MEIS1: variants seen among roughly 807,000 people sequenced by gnomAD.
The protein encoded by MEIS1 is Meis homeobox 1.
A neutral mutation model predicts 50.8 loss-of-function variants in MEIS1; 5 were observed. The ratio of observed to expected loss-of-function variants is 0.10; its 90% CI spans 0.05 to 0.21. The LOEUF (loss-of-function observed/expected upper bound fraction) is 0.21, where lower values mean the gene tolerates loss of function less well. Among genes scored for constraint, MEIS1 ranks in the 10% least tolerant of loss-of-function variants. MEIS1 has a pLI of 1.00. For missense variants in MEIS1, 318 were observed against 517.3 expected (o/e 0.61, Z 3.74); for synonymous variants, 176 against 179.3 (o/e 0.98, Z 0.15).
intron 7 of MEIS1, among the ~76,000 whole-genome samples, chr2:66,467,707 G>A (rs762867220): frequency 3.9e-5 from 6 of 151,996 alleles, no homozygotes; most frequent in South Asian, 2.1e-4. Flanking sequence ...ATGTTTATTC[G>A]CGATTTACAC....
At chr2:66,518,242 G>C (rs967133775) in intron 8 of MEIS1, among the ~76,000 whole-genome samples, 2 of 152,192 alleles carry the variant, frequency 1.3e-5, no homozygotes, top group Non-Finnish European at 2.9e-5. Flanking sequence ...CACGACCTCT[G>C]TCTGAGACTC....
chr2:66,513,524 T>G (rs987499539), intron 8 of MEIS1, among the ~76,000 whole-genome samples: 7 of 151,398 alleles, frequency 4.6e-5, no homozygotes, highest in Non-Finnish European at 8.8e-5. Flanking sequence ...CTAATAATAC[T>G]CAAGGGTATA....
chr2:66,553,324 ACT>A (rs1402273560), intron 9 of MEIS1, among the ~76,000 whole-genome samples: 1 of 151,936 alleles, frequency 6.6e-6, no homozygotes, highest in Non-Finnish European at 1.5e-5. Context: ...AAATGGAAGA[ACT>A]CCCCAGAATA....
At chr2:66,436,887 T>TA in intron 1 of MEIS1, 1 of 985,034 alleles carries the variant, frequency 1.0e-6, no homozygotes, top group Non-Finnish European at 1.2e-6. Context: ...TTTTTTTTTT[T>TA]TCTGGAAGAG....
intron 9 of MEIS1, among the ~76,000 whole-genome samples, chr2:66,553,363 G>A (rs1186056599): frequency 6.6e-6 from 1 of 152,184 alleles, no homozygotes; most frequent in Non-Finnish European, 1.5e-5. Context: ...TGTTCTTCAA[G>A]CCTCGGTTAA....
intron 9 of MEIS1, among the ~76,000 whole-genome samples, chr2:66,555,538 A>G (rs959284531): frequency 2.6e-5 from 4 of 152,204 alleles, no homozygotes; most frequent in Non-Finnish European, 5.9e-5. Context: ...AGCTTTAGAC[A>G]TTAGTAGTTT....
At position 66,515,581 on chromosome 2, in the gene MEIS1, A is replaced by C. The variant is rs575802573; in HGVS notation, c.888+3287A>C. ...GTCTCTAGCAAGCTAAACTGGACAT[A>C]CTTGTATATAATGAAAATAATAAAA... On this transcript the variant is annotated intron_variant, in intron 8 of 12. Transcript: ENST00000272369. Among the ~76,000 whole-genome samples, 3 of 152,276 alleles carry C rather than the reference A, an allele frequency of 2.0e-5. No individual in the cohort carries two copies. In the East Asian group the frequency reaches 5.8e-4, roughly 29 times the overall value.
chr2:66,465,084 C>G (rs896541142), intron 7 of MEIS1, among the ~76,000 whole-genome samples: 25 of 152,088 alleles, frequency 1.6e-4, no homozygotes, highest in African/African-American at 4.8e-4. Flanking sequence ...GTTTTATGAT[C>G]ATGTTTCACT....
rs1442744510 is a variant in MEIS1, at chr2:66,572,890, T to A, written c.*1682T>A. 1 of 152,230 alleles carries A rather than the reference T, an allele frequency of 6.6e-6. No homozygotes were observed. The highest frequency in any genetic ancestry group is 1.5e-5 in the Non-Finnish European group (1 of 68,042). The allele number at this position is 152,230 out of a possible 1,614,324, so 9.4% of individuals were successfully genotyped here. A position where few individuals can be genotyped will look rare whatever the true frequency, so the allele number is the denominator to read the frequency against. On this transcript the variant is annotated 3_prime_UTR_variant, in exon 13 of 13. Transcript: ENST00000272369. ...TTGACAATTTTAACCGCAAAGTAAGTTGTTTAATAATAACCACTGATTTCT... is the reference window on the plus strand; with the variant it reads ...TTGACAATTTTAACCGCAAAGTAAGATGTTTAATAATAACCACTGATTTCT...
chr2:66,452,228 A>G (rs1354082648), intron 6 of MEIS1, among the ~76,000 whole-genome samples: 1 of 151,916 alleles, frequency 6.6e-6, no homozygotes, highest in Admixed American at 6.6e-5. Flanking sequence ...TCACCATTGA[A>G]CATTACTTTT....
chr2:66,526,808 C>T (rs889056899), intron 8 of MEIS1, among the ~76,000 whole-genome samples: 107 of 152,162 alleles, frequency 7.0e-4, no homozygotes, highest in African/African-American at 2.4e-3. Flanking sequence ...CTTAATAAGA[C>T]TGAAGTACAT....
intron 8 of MEIS1, among the ~76,000 whole-genome samples, chr2:66,546,413 A>G (rs1212004140): frequency 2.0e-5 from 3 of 152,234 alleles, no homozygotes; most frequent in East Asian, 1.9e-4. Flanking sequence ...CATGGTAACC[A>G]GTCTGAAGGT....
chr2:66,560,596 A>G (rs1675189318), intron 9 of MEIS1, among the ~76,000 whole-genome samples: 1 of 151,754 alleles, frequency 6.6e-6, no homozygotes, highest in Non-Finnish European at 1.5e-5. Context: ...AAAAAAAAAA[A>G]AGAAAGAAAA....
intron 8 of MEIS1, among the ~76,000 whole-genome samples, chr2:66,531,015 T>G (rs577303008): frequency 6.6e-6 from 1 of 152,334 alleles, no homozygotes; most frequent in African/African-American, 2.4e-5. Flanking sequence ...AGGGGAGTTT[T>G]AAATTTAATT....
chr2:66,457,318 G>A (rs1672415257), intron 6 of MEIS1, among the ~76,000 whole-genome samples: 1 of 152,036 alleles, frequency 6.6e-6, no homozygotes, highest in Non-Finnish European at 1.5e-5. Flanking sequence ...TGAGTGGGTT[G>A]AATGATTATA....
chr2:66,522,585 T>G (rs1037543027), intron 8 of MEIS1, among the ~76,000 whole-genome samples: 12 of 152,188 alleles, frequency 7.9e-5, no homozygotes, highest in Admixed American at 2.6e-4. Flanking sequence ...GAACAAGGAA[T>G]GAGTAGTAAA....
At chr2:66,454,063 G>A (rs1464853019) in intron 6 of MEIS1, among the ~76,000 whole-genome samples, 2 of 151,890 alleles carry the variant, frequency 1.3e-5, no homozygotes, top group African/African-American at 4.8e-5. Flanking sequence ...GCACCTTGAC[G>A]GGCCTTAGTT....
Position 66,567,551 on chromosome 2 carries a change from G to C in MEIS1, c.1024+40G>C, listed in dbSNP as rs373336536. 4 of 1,601,098 alleles carry C rather than the reference G, an allele frequency of 2.5e-6. No individual in the cohort carries two copies. The African/African-American group carries it at 5.4e-5, about 21-fold the overall frequency. Reference sequence around the variant, plus strand: ...GTGACTGTATTCAAGTCACGCAAGCGAAAACCATCCTCAAGCCATTCACCG... The same window carrying C: ...GTGACTGTATTCAAGTCACGCAAGCCAAAACCATCCTCAAGCCATTCACCG... On this transcript the variant is annotated intron_variant, in intron 10 of 12. Coordinates refer to ENST00000272369, the MANE Select transcript of MEIS1 (RefSeq NM_002398.3).
intron 1 of MEIS1, among the ~76,000 whole-genome samples, chr2:66,436,382 A>T (rs1671797354): frequency 6.6e-6 from 1 of 152,238 alleles, no homozygotes; most frequent in South Asian, 2.1e-4. Flanking sequence ...AGACTTGTAT[A>T]CAAGGCAATA....
Sources: allele counts gnomAD v4.1 joint callset (sites outside exome capture counted in the v4.1 genomes callset), GRCh38; gene constraint gnomAD v4.1.1; transcripts MANE v1.5; gene names NCBI Gene and HGNC (gene_info 2026-07-23, HGNC 2026-07-21).